TCF4: variants seen among roughly 807,000 people sequenced by gnomAD.
TCF4 encodes SL3-3 enhancer factor 2.
A neutral mutation model predicts 82.1 loss-of-function variants in TCF4; 3 were observed. The ratio of observed to expected loss-of-function variants is 0.04; its 90% CI spans 0.02 to 0.09. The LOEUF is 0.09. Among genes scored for constraint, TCF4 ranks in the 10% least tolerant of loss-of-function variants. The probability of loss-of-function intolerance (pLI) is 1.00; values close to 1 mark genes in which losing one functional copy is unlikely to be tolerated. For synonymous variants in TCF4, 276 were observed against 309.6 expected, an observed-to-expected ratio of 0.89 and a Z score of 1.14; for missense variants, 518 against 852.7, an observed-to-expected ratio of 0.61 and a Z score of 4.89.
At chr18:55,346,533 A>G (rs996798871) in intron 8 of TCF4, among the ~76,000 whole-genome samples, 1 of 152,166 alleles carries the variant, frequency 6.6e-6, no homozygotes, top group East Asian at 1.9e-4. Flanking sequence ...ACTGGAGATG[A>G]GAGGTCATAA....
chr18:55,393,531 G>A (rs920052178), intron 6 of TCF4, among the ~76,000 whole-genome samples: 11 of 152,072 alleles, frequency 7.2e-5, no homozygotes, highest in South Asian at 4.2e-4. Context: ...AAGCCACAAC[G>A]TGAGTTATAA....
chr18:55,333,520 T>C (rs2147810744), intron 8 of TCF4, among the ~76,000 whole-genome samples: 1 of 151,866 alleles, frequency 6.6e-6, no homozygotes, highest in East Asian at 1.9e-4. Flanking sequence ...TTCCCCAATA[T>C]ATCTTAATTT....
chr18:55,422,199 G>C, intron 5 of TCF4: 2 of 983,360 alleles, frequency 2.0e-6, no homozygotes, highest in South Asian at 9.4e-5. Context: ...GACCTTATGG[G>C]TAGCACGCCG....
At chr18:55,354,043 G>T (rs956645842) in intron 6 of TCF4, among the ~76,000 whole-genome samples, 3 of 152,176 alleles carry the variant, frequency 2.0e-5, no homozygotes, top group Non-Finnish European at 4.4e-5. Flanking sequence ...GGCAGATGTG[G>T]CATCTGGCAG....
chr18:55,588,470 C>T (rs113395332), upstream of TCF4: 659 of 1,535,088 alleles, frequency 4.3e-4, 3 homozygotes, highest in African/African-American at 7.7e-3. Context: ...CATCGAGCAC[C>T]TCATTTTTCC....
At chr18:55,287,705 T>C (rs1042569654) in intron 8 of TCF4, among the ~76,000 whole-genome samples, 1 of 152,192 alleles carries the variant, frequency 6.6e-6, no homozygotes, top group African/African-American at 2.4e-5. Context: ...GTAAAAAAAG[T>C]GAGCCATGCC....
chr18:55,618,773 G>C (rs2097714745), intron 2 of TCF4, among the ~76,000 whole-genome samples: 1 of 148,920 alleles, frequency 6.7e-6, no homozygotes, highest in Non-Finnish European at 1.5e-5. Context: ...TTTTTGTAGA[G>C]ACAGAGTCTT....
At chr18:55,358,478 G>A (rs1367495129) in intron 6 of TCF4, among the ~76,000 whole-genome samples, 2 of 152,224 alleles carry the variant, frequency 1.3e-5, no homozygotes, top group South Asian at 2.1e-4. Flanking sequence ...AGGCACAGGT[G>A]CAGATCCTTT....
intron 3 of TCF4, among the ~76,000 whole-genome samples, chr18:55,497,905 A>G (rs890425005): frequency 2.6e-5 from 4 of 152,234 alleles, no homozygotes; most frequent in East Asian, 3.9e-4. Flanking sequence ...TTAATTCATT[A>G]TGATCAGTGC....
intron 8 of TCF4, among the ~76,000 whole-genome samples, chr18:55,312,118 T>G (rs1440475): frequency 0.049 from 7,488 of 152,290 alleles, 362 homozygotes; most frequent in South Asian, 0.16. Flanking sequence ...GCCATATATT[T>G]TATATACTAC....
intron 2 of TCF4, among the ~76,000 whole-genome samples, chr18:55,613,100 A>G (rs545567568): frequency 4.7e-4 from 72 of 152,246 alleles, no homozygotes; most frequent in Non-Finnish European, 6.3e-4. Context: ...GTTGAGGTGT[A>G]TAAGTGTCAA....
intron 6 of TCF4, among the ~76,000 whole-genome samples, chr18:55,393,478 T>C (rs2146224529): frequency 6.6e-6 from 1 of 152,322 alleles, no homozygotes; most frequent in African/African-American, 2.4e-5. Context: ...TATTCTACCA[T>C]TATGATGATC....
At chr18:55,589,938 C>A (rs1013119689), upstream of TCF4, 6 of 640,600 alleles carry the variant, frequency 9.4e-6, no homozygotes, top group East Asian at 7.4e-4. Context: ...TGGTCGACCA[C>A]GCCTCCTCCG....
chr18:55,453,312 C>A (rs2095663795), intron 5 of TCF4, among the ~76,000 whole-genome samples: 1 of 152,314 alleles, frequency 6.6e-6, no homozygotes, highest in South Asian at 2.1e-4. Context: ...CACTGAGCTG[C>A]AAACCACTTC....
chr18:55,547,466 C>T (rs1205134672), intron 3 of TCF4, among the ~76,000 whole-genome samples: 3 of 152,150 alleles, frequency 2.0e-5, no homozygotes, highest in Admixed American at 2.0e-4. Context: ...GCCTGAAGAT[C>T]TAATCAATAC....
chr18:55,420,549 G>C (rs1218962587), intron 5 of TCF4, among the ~76,000 whole-genome samples: 1 of 151,690 alleles, frequency 6.6e-6, no homozygotes, highest in African/African-American at 2.4e-5. Context: ...GACAACAAAA[G>C]CAAGTCCCAG....
At chr18:55,412,492 C>T (rs900685488) in intron 5 of TCF4, among the ~76,000 whole-genome samples, 1 of 152,122 alleles carries the variant, frequency 6.6e-6, no homozygotes, top group African/African-American at 2.4e-5. Flanking sequence ...GCTCTGAAAG[C>T]ATCTCTCTTC....
At chr18:55,340,614 A>G (rs1021875526) in intron 8 of TCF4, among the ~76,000 whole-genome samples, 2 of 151,146 alleles carry the variant, frequency 1.3e-5, no homozygotes, top group Non-Finnish European at 2.9e-5. Context: ...GCAATATTAC[A>G]TAATTTCAGA....
At chr18:55,502,007 A>G (rs560546192) in intron 3 of TCF4, among the ~76,000 whole-genome samples, 1 of 152,196 alleles carries the variant, frequency 6.6e-6, no homozygotes, top group East Asian at 1.9e-4. Context: ...TGGAAGGAGA[A>G]TATTTGTTCT....
Sources: gnomAD v4.1 joint callset for allele counts (sites outside exome capture counted in the v4.1 genomes callset) on GRCh38, gnomAD v4.1.1 for gene constraint, MANE v1.5 for transcripts, NCBI Gene and HGNC (gene_info 2026-07-23, HGNC 2026-07-21) for gene names.